DMD: variants seen among roughly 807,000 people sequenced by gnomAD.
The protein encoded by DMD is dystrophin, also known as mutant dystrophin.
In DMD, 63 loss-of-function variants were observed where a neutral mutation model predicts 330.1. That is an observed-to-expected ratio of 0.19 (90% CI 0.16 to 0.24). The LOEUF (loss-of-function observed/expected upper bound fraction) is 0.24. DMD is among the 10% of genes least tolerant of loss of function. The pLI is 1.00. For synonymous variants in DMD, 1,223 were observed against 959.8 expected, an observed-to-expected ratio of 1.27 and a Z score of -5.07; for missense variants, 3,344 against 2,684.1, an observed-to-expected ratio of 1.25 and a Z score of -5.43.
intron 13 of DMD, 70 bp downstream of exon 13, chrX:32,595,687 T>A: frequency 9.3e-7 from 1 of 1,074,415 alleles, no homozygotes; most frequent in South Asian, 1.9e-5. Context: ...CATTCTAAAT[T>A]TTTAAAATAC....
At position 32,876,075 on chromosome X, in the gene DMD, T is replaced by C. The variant is rs139374942; in HGVS notation, c.94-26255A>G. ...ATCCAGACATATTTTCCGGAGATTA[T>C]TGGATATCCCATCAATACATCAAAG... On this transcript the variant is annotated intron_variant, in intron 2 of 78. Coordinates refer to ENST00000357033, the MANE Select transcript of DMD (RefSeq NM_004006.3). 9.8e-3 allele frequency among the ~76,000 whole-genome samples: 1,094 copies of C among 111,802 alleles called. 8 individuals carry two copies. The highest frequency in any genetic ancestry group is 0.013 in the Non-Finnish European group (666 of 53,172).
At chrX:31,333,344 T>C (rs190202936) in intron 61 of DMD, among the ~76,000 whole-genome samples, 3 of 108,569 alleles carry the variant, frequency 2.8e-5, no homozygotes, top group African/African-American at 6.7e-5. Context: ...TTCATGTTAA[T>C]GGAATTCTCT....
chrX:32,853,167 G>A (rs768280892), intron 2 of DMD, among the ~76,000 whole-genome samples: 7 of 112,147 alleles, frequency 6.2e-5, no homozygotes, highest in Admixed American at 1.9e-4. Context: ...GACAGAAGCT[G>A]TGGGATTTCA....
At chrX:32,082,506 C>T (rs2096401837) in intron 44 of DMD, among the ~76,000 whole-genome samples, 1 of 111,443 alleles carries the variant, frequency 9.0e-6, no homozygotes, top group South Asian at 3.8e-4. Context: ...GATCCTTACA[C>T]CACAGCCCCC....
chrX:32,896,376 G>C (rs1424664078), intron 2 of DMD, among the ~76,000 whole-genome samples: 1 of 111,861 alleles, frequency 8.9e-6, no homozygotes, highest in Non-Finnish European at 1.9e-5. Flanking sequence ...GCCACCCCTG[G>C]TGACTTCAAG....
At position 33,143,194 on chromosome X, in the gene DMD, C is replaced by T. The variant is rs771975063; in HGVS notation, c.31+68088G>A. On this transcript the variant is annotated intron_variant, in intron 1 of 78. Coordinates refer to ENST00000357033, the MANE Select transcript of DMD (RefSeq NM_004006.3). ...AAATTTTTATATATATTAACTAGAA[C>T]ATAATACAAACTTCACTTTGGTACT... Among the ~76,000 whole-genome samples the T allele has an allele frequency of 4.5e-5, 5 of 110,911 alleles. No homozygotes were observed. In the South Asian group the frequency reaches 1.9e-3, roughly 42 times the overall value.
At position 31,507,375 on chromosome X, in the gene DMD, G is replaced by A. The variant is rs751387739; in HGVS notation, c.8296C>T (p.Leu2766=). 9.1e-6 allele frequency: 11 copies of A among 1,211,222 alleles called. No individual in the cohort carries two copies. The highest frequency in any genetic ancestry group is 1.1e-5 in the Non-Finnish European group (10 of 895,110). Residue 2766 remains leucine, a synonymous_variant, in exon 56 of 79, where the codon CTG becomes TTG. Coordinates refer to ENST00000357033, the MANE Select transcript of DMD (RefSeq NM_004006.3). ...AGGACTGCATCATCGGAACCTTCCA[G>A]GGATCTCAGGATTTTTTGGCTGTTT... ...DENSQKILRS[L]EGSDDAVLLQ... is the part of the protein sequence containing the mutation.
chrX:31,936,982 C>A (rs1393077748), intron 45 of DMD, among the ~76,000 whole-genome samples: 1 of 110,897 alleles, frequency 9.0e-6, no homozygotes. Flanking sequence ...TCAATTATTG[C>A]AGCTTTAAAA....
intron 59 of DMD, among the ~76,000 whole-genome samples, chrX:31,462,778 A>C (rs2066615783): frequency 8.9e-6 from 1 of 112,278 alleles, no homozygotes; most frequent in South Asian, 3.7e-4. Context: ...CATGTTCAAA[A>C]TTAAGAGCTG....
At chrX:33,249,245 G>T (rs1030230908) in intron 1 of DMD, among the ~76,000 whole-genome samples, 1 of 112,003 alleles carries the variant, frequency 8.9e-6, no homozygotes, top group East Asian at 2.8e-4. Context: ...CCACCTCCTG[G>T]GTTCAAGCCA....
intron 17 of DMD, among the ~76,000 whole-genome samples, chrX:32,522,680 T>G (rs1409872365): frequency 8.9e-6 from 1 of 112,474 alleles, no homozygotes; most frequent in Non-Finnish European, 1.9e-5. Context: ...TTCTACTTTG[T>G]CTTTTATTCA....
At chrX:32,820,396 C>T (rs1357461539) in intron 5 of DMD, among the ~76,000 whole-genome samples, 6 of 110,976 alleles carry the variant, frequency 5.4e-5, no homozygotes, top group Admixed American at 2.9e-4. Context: ...GAGCAGAGAT[C>T]GCGCCACTGC....
intron 9 of DMD, among the ~76,000 whole-genome samples, chrX:32,650,408 T>G (rs188533512): frequency 1.8e-5 from 2 of 111,808 alleles, no homozygotes; most frequent in Admixed American, 1.9e-4. Flanking sequence ...GTGAATTTTT[T>G]GGTGTATTCT....
chrX:32,124,521 T>C (rs920873753), intron 44 of DMD, among the ~76,000 whole-genome samples: 3 of 111,403 alleles, frequency 2.7e-5, no homozygotes, highest in African/African-American at 1.0e-4. Context: ...AGGGGAGCTC[T>C]TTTTTGGATA....
At chrX:31,696,373 A>G (rs1156990279) in intron 52 of DMD, among the ~76,000 whole-genome samples, 1 of 112,227 alleles carries the variant, frequency 8.9e-6, no homozygotes, top group East Asian at 2.8e-4. Context: ...GGGGAAAAAT[A>G]CAGCCACAGA....
intron 2 of DMD, among the ~76,000 whole-genome samples, chrX:33,017,097 A>G (rs1815085746): frequency 8.9e-6 from 1 of 111,779 alleles, no homozygotes. Flanking sequence ...ATCAAAGTTA[A>G]TAGAAGACTT....
At position 32,460,197 on chromosome X, in the gene DMD, T is replaced by C. The variant is rs371764109; in HGVS notation, c.3432+3242A>G. Among the ~76,000 whole-genome samples the C allele has an allele frequency of 4.5e-5, 5 of 110,537 alleles. No homozygotes were observed. The East Asian group carries it at 1.4e-3, about 32-fold the overall frequency. On this transcript the variant is annotated intron_variant, in intron 25 of 78. Coordinates refer to ENST00000357033, the MANE Select transcript of DMD (RefSeq NM_004006.3). ...AGGTATCACCTCACCCCAGCTAGGATGTATATTGCCAAAAAGACAAAAAAT... is the reference window on the plus strand; with the variant it reads ...AGGTATCACCTCACCCCAGCTAGGACGTATATTGCCAAAAAGACAAAAAAT...
At chrX:32,837,863 C>T (rs1305493433) in intron 4 of DMD, among the ~76,000 whole-genome samples, 1 of 111,897 alleles carries the variant, frequency 8.9e-6, no homozygotes, top group Non-Finnish European at 1.9e-5. Flanking sequence ...TTCTGAATGC[C>T]TTGTTGAGAG....
At chrX:32,172,463 G>A (rs1389826788) in intron 44 of DMD, among the ~76,000 whole-genome samples, 4 of 111,735 alleles carry the variant, frequency 3.6e-5, no homozygotes, top group African/African-American at 1.3e-4. Context: ...ATATGCCACA[G>A]AATCTTAATT....
Sources: allele counts gnomAD v4.1 joint callset (sites outside exome capture counted in the v4.1 genomes callset), GRCh38; gene constraint gnomAD v4.1.1; transcripts MANE v1.5; gene names NCBI Gene and HGNC (gene_info 2026-07-23, HGNC 2026-07-21).